Variants in SPOCK1 observed in about 807,000 individuals in gnomAD.
The protein encoded by SPOCK1 is testican-1.
Under a neutral mutation model 55.3 loss-of-function variants are expected in SPOCK1, and 23 were observed. That is an observed-to-expected ratio of 0.42 (90% CI 0.30 to 0.59). The LOEUF is 0.59. Among genes scored for constraint, SPOCK1 ranks in the 20% least tolerant of loss-of-function variants. The pLI, the probability that SPOCK1 is intolerant of heterozygous loss-of-function variation, is 0.22. For synonymous variants in SPOCK1, 226 were observed against 221.0 expected (o/e 1.02, Z -0.20); for missense variants, 499 against 552.5 (o/e 0.90, Z 0.97).
intron 6 of SPOCK1, among the ~76,000 whole-genome samples, chr5:137,005,539 A>G (rs1202442469): frequency 6.6e-6 from 1 of 152,216 alleles, no homozygotes; most frequent in Non-Finnish European, 1.5e-5. Context: ...ACAAAGCAGT[A>G]TTCAAGAACT....
At chr5:137,476,582 G>C (rs1753841665) in intron 2 of SPOCK1, among the ~76,000 whole-genome samples, 1 of 152,144 alleles carries the variant, frequency 6.6e-6, no homozygotes, top group South Asian at 2.1e-4. Flanking sequence ...GACCTTCTCA[G>C]GCTGAGTGGG....
intron 2 of SPOCK1, among the ~76,000 whole-genome samples, chr5:137,378,561 G>C (rs1751382644): frequency 6.6e-6 from 1 of 152,238 alleles, no homozygotes; most frequent in South Asian, 2.1e-4. Flanking sequence ...ATGGGAATGA[G>C]GTTGGAAACC....
chr5:137,008,623 T>C (rs1447540643), intron 6 of SPOCK1, among the ~76,000 whole-genome samples: 2 of 152,000 alleles, frequency 1.3e-5, no homozygotes, highest in African/African-American at 4.8e-5. Flanking sequence ...GAGTGACAGA[T>C]AAGAAGGCAA....
chr5:137,080,058 G>A (rs970263106), intron 5 of SPOCK1, among the ~76,000 whole-genome samples: 3 of 152,134 alleles, frequency 2.0e-5, no homozygotes, highest in East Asian at 1.9e-4. Flanking sequence ...TGGTAGAAAT[G>A]GCTTCTAATT....
chr5:137,312,906 C>T (rs992183273), intron 2 of SPOCK1, among the ~76,000 whole-genome samples: 2 of 152,188 alleles, frequency 1.3e-5, no homozygotes, highest in African/African-American at 4.8e-5. Context: ...GGAATGCCCA[C>T]TTCTGTGTAG....
At chr5:137,365,894 C>T (rs1751050335) in intron 2 of SPOCK1, among the ~76,000 whole-genome samples, 1 of 152,110 alleles carries the variant, frequency 6.6e-6, no homozygotes, top group Non-Finnish European at 1.5e-5. Context: ...TATGTTTGAC[C>T]TTATTAAATA....
At chr5:137,456,190 G>A (rs1444743247) in intron 2 of SPOCK1, among the ~76,000 whole-genome samples, 1 of 152,136 alleles carries the variant, frequency 6.6e-6, no homozygotes, top group Admixed American at 6.6e-5. Context: ...AACTTCTGTA[G>A]CTGTCCACAG....
chr5:137,122,429 T>A (rs1285177077), intron 4 of SPOCK1, among the ~76,000 whole-genome samples: 1 of 152,258 alleles, frequency 6.6e-6, no homozygotes, highest in Non-Finnish European at 1.5e-5. Context: ...CGCTCTGTTT[T>A]AAAAATCCAT....
chr5:137,385,268 T>A (rs1751574869), intron 2 of SPOCK1, among the ~76,000 whole-genome samples: 1 of 152,132 alleles, frequency 6.6e-6, no homozygotes, highest in Admixed American at 6.6e-5. Flanking sequence ...GTGTGGTACA[T>A]ATAAAGGTCC....
At chr5:137,269,869 G>T (rs1329142453) in intron 2 of SPOCK1, among the ~76,000 whole-genome samples, 2 of 152,050 alleles carry the variant, frequency 1.3e-5, no homozygotes, top group Admixed American at 6.6e-5. Context: ...TACCAAGGCT[G>T]GGCATTTCAC....
intron 2 of SPOCK1, among the ~76,000 whole-genome samples, chr5:137,326,817 T>C (rs1172274813): frequency 6.6e-6 from 1 of 152,220 alleles, no homozygotes; most frequent in Non-Finnish European, 1.5e-5. Context: ...ATCTGGAGAT[T>C]ACCTGAATTT....
intron 2 of SPOCK1, among the ~76,000 whole-genome samples, chr5:137,301,802 A>G (rs959048828): frequency 3.9e-5 from 6 of 152,054 alleles, no homozygotes; most frequent in African/African-American, 1.4e-4. Context: ...AATAATGAAA[A>G]GCAAGCTGAT....
chr5:137,379,182 C>A (rs927490192), intron 2 of SPOCK1, among the ~76,000 whole-genome samples: 1 of 152,018 alleles, frequency 6.6e-6, no homozygotes, highest in African/African-American at 2.4e-5. Flanking sequence ...GCACTTGCCA[C>A]CCTGCCCCCA....
intron 3 of SPOCK1, among the ~76,000 whole-genome samples, chr5:137,248,583 G>A (rs1296963805): frequency 1.3e-5 from 2 of 152,180 alleles, no homozygotes; most frequent in Non-Finnish European, 2.9e-5. Context: ...CAGTTTTGAA[G>A]TCAACTCTGT....
At chr5:137,091,189 C>T (rs1043122556) in intron 5 of SPOCK1, among the ~76,000 whole-genome samples, 1 of 152,180 alleles carries the variant, frequency 6.6e-6, no homozygotes, top group African/African-American at 2.4e-5. Flanking sequence ...GCCAGTAGGT[C>T]ATTTCTCCTA....
At chr5:137,353,519 G>A (rs995210483) in intron 2 of SPOCK1, among the ~76,000 whole-genome samples, 1 of 152,026 alleles carries the variant, frequency 6.6e-6, no homozygotes, top group Admixed American at 6.5e-5. Flanking sequence ...CACACACCTC[G>A]GGATGGGTTA....
At chr5:137,378,050 T>C (rs1284199640) in intron 2 of SPOCK1, among the ~76,000 whole-genome samples, 1 of 150,500 alleles carries the variant, frequency 6.6e-6, no homozygotes, top group African/African-American at 2.4e-5. Flanking sequence ...GTTCAAGTGA[T>C]TCTCCTGCCT....
chr5:137,026,788 CACA>C (rs1217153975), intron 6 of SPOCK1, among the ~76,000 whole-genome samples: 1 of 152,166 alleles, frequency 6.6e-6, no homozygotes, highest in East Asian at 1.9e-4. Context: ...CAAGGACCTC[CACA>C]ACATTCACAG....
chr5:137,374,719 A>G (rs1317719375), intron 2 of SPOCK1, among the ~76,000 whole-genome samples: 1 of 152,232 alleles, frequency 6.6e-6, no homozygotes. Flanking sequence ...GGAACACAGC[A>G]TGCAGTGCTT....
Sources: gnomAD v4.1 joint callset for allele counts (sites outside exome capture counted in the v4.1 genomes callset) on GRCh38, gnomAD v4.1.1 for gene constraint, MANE v1.5 for transcripts, NCBI Gene and HGNC (gene_info 2026-07-23, HGNC 2026-07-21) for gene names.